The following OTOF variants were observed in gnomAD, a reference collection of about 807,000 sequenced individuals.
The protein encoded by OTOF is fer-1-like family member 2.
OTOF carries 218 observed loss-of-function variants against 236.8 expected under a neutral mutation model. The ratio of observed to expected loss-of-function variants is 0.92; its 90% confidence interval spans 0.82 to 1.03. The LOEUF is 1.03. OTOF is among the 50% of genes least tolerant of loss of function. OTOF has a pLI of 0.00. For missense variants in OTOF, 2,590 were observed against 2,694.4 expected (o/e 0.96, Z 0.86); for synonymous variants, 1,041 against 1,072.5 (o/e 0.97, Z 0.57).
chr2:26,473,163 T>C lies in OTOF; in HGVS notation c.3702A>G (p.Pro1234=), dbSNP rs779905782. The stretch of plus-strand genomic sequence containing the variant: ...TGTTCCAGCTGGGGGCCGAGCGGTC[T>C]GGGGGCCGGTAGATGAAGCGTCGCA... ...SSLRRFIYRP[P]DRSAPSWNTT... The change falls in exon 29 of 47, where the codon CCA becomes CCG. Residue 1234 remains proline, a synonymous_variant. Transcript: ENST00000272371. The surrounding 1 kb of genome is among the most constrained non-coding windows in gnomAD (Gnocchi z 7.2). 1 of 1,612,786 alleles carries C rather than the reference T, an allele frequency of 6.2e-7. No individual in the cohort carries two copies. The highest frequency in any genetic ancestry group is 2.2e-5 in the East Asian group (1 of 44,868).
intron 8 of OTOF, among the ~76,000 whole-genome samples, chr2:26,498,406 C>T (rs1327686485): frequency 3.9e-5 from 6 of 152,192 alleles, no homozygotes; most frequent in Admixed American, 3.3e-4. Flanking sequence ...GAATGCCATT[C>T]CTGCTGCCTC....
intron 1 of OTOF, among the ~76,000 whole-genome samples, chr2:26,546,591 C>T (rs1428638002): frequency 6.6e-6 from 1 of 152,058 alleles, no homozygotes; most frequent in East Asian, 1.9e-4. Context: ...ATTTGCATGT[C>T]CACATAAATT....
At chr2:26,534,534 C>T (rs1485971398) in intron 2 of OTOF, among the ~76,000 whole-genome samples, 2 of 152,200 alleles carry the variant, frequency 1.3e-5, no homozygotes, top group Non-Finnish European at 2.9e-5. Context: ...ACTCAGGTTC[C>T]TAAGCCCAGC....
intron 1 of OTOF, among the ~76,000 whole-genome samples, chr2:26,557,752 G>A (rs1257153211): frequency 6.6e-6 from 1 of 151,792 alleles, no homozygotes; most frequent in Non-Finnish European, 1.5e-5. Flanking sequence ...GGGTGAGGGT[G>A]CTGCTTCTGT....
intron 30 of OTOF, among the ~76,000 whole-genome samples, chr2:26,472,155 ACATGCACACACACATG>A (rs757938492): frequency 2.7e-5 from 4 of 150,306 alleles, no homozygotes; most frequent in Non-Finnish European, 5.9e-5. Flanking sequence ...TACCCCACAT[ACATGCACACACACATG>A]CACATACACC....
rs1313166015 is a variant in OTOF, at chr2:26,491,070, C to T, written c.898-1330G>A. On this transcript the variant is annotated intron_variant, in intron 9 of 46. Coordinates refer to ENST00000272371, the MANE Select transcript of OTOF (RefSeq NM_194248.3). ...GGGAAGCAGGCCCAGGTCAGGGCTC[C>T]AAGAAGACACAGCCTTTCAGCCAAG... 4.6e-5 allele frequency among the ~76,000 whole-genome samples: 7 copies of T among 151,980 alleles called. No homozygotes were observed. The South Asian group carries it at 1.2e-3, about 27-fold the overall frequency.
intron 11 of OTOF, among the ~76,000 whole-genome samples, chr2:26,488,605 C>T (rs1001207160): frequency 3.3e-5 from 5 of 152,376 alleles, no homozygotes; most frequent in African/African-American, 9.6e-5. Context: ...CAGAGGCCGC[C>T]GCACTACATC....
At position 26,470,903 on chromosome 2, in the gene OTOF, G is replaced by A. The variant is rs1664944507; in HGVS notation, c.3895-182C>T. 1.3e-5 allele frequency among the ~76,000 whole-genome samples: 2 copies of A among 152,194 alleles called. No individual in the cohort carries two copies. The highest frequency in any genetic ancestry group is 4.8e-5 in the African/African-American group (2 of 41,440). On this transcript the variant is annotated intron_variant, in intron 31 of 46. Transcript: ENST00000272371. The surrounding 1 kb of genome is among the most constrained non-coding windows in gnomAD (Gnocchi z 4.3). ...GAGAAGGTGCCACAGGCCACAGAGT[G>A]TTGTGACCTGCCAGTGCGATCCACT...
Position 26,466,704 on chromosome 2 carries a change from G to T in OTOF, c.4500+10C>A, listed in dbSNP as rs544653934. On this transcript the variant is annotated intron_variant, in intron 36 of 46. Transcript: ENST00000272371. Reference sequence around the variant, plus strand: ...AGACTTGCAAGGAGGGAAAGCGACGGGAGTCTCACCCGGACCACATAGACT... The same window carrying T: ...AGACTTGCAAGGAGGGAAAGCGACGTGAGTCTCACCCGGACCACATAGACT... 3.7e-6 allele frequency: 6 copies of T among 1,614,118 alleles called. No homozygotes were observed. The Admixed American group carries it at 5.0e-5, about 13-fold the overall frequency.
At position 26,473,628 on chromosome 2, in the gene OTOF, T is replaced by C. The variant is rs1665109139; in HGVS notation, c.3409-61A>G. ...GCCCCTTAGTCAAGGGAGCCAGCCA[T>C]GGGGGTGCTGGACCATCCAATAGGG... On this transcript the variant is annotated intron_variant, in intron 27 of 46. Transcript: ENST00000272371. The surrounding 1 kb of genome is among the most constrained non-coding windows in gnomAD (Gnocchi z 7.2). The C allele has an allele frequency of 1.3e-6, 2 of 1,527,864 alleles. No individual in the cohort carries two copies. The highest frequency in any genetic ancestry group is 1.7e-4 in the Middle Eastern group (1 of 5,744). The allele number at this position is 1,527,864 out of a possible 1,614,324, so 94.6% of individuals were successfully genotyped here.
Position 26,473,469 on chromosome 2 carries a change from C to A in OTOF, c.3507G>T (p.Ser1169=), listed in dbSNP as rs111033513. 1.9e-6 allele frequency: 3 copies of A among 1,613,278 alleles called. No individual in the cohort carries two copies. In the East Asian group the frequency reaches 6.7e-5, roughly 36 times the overall value. ...DIECAGKGVQ[S]SLIHNYKKNP... Reference sequence around the variant, plus strand: ...TCTTCTTATAATTGTGGATCAGGGACGACTGCACCCCCTTCCCTGCACACT... The same window carrying A: ...TCTTCTTATAATTGTGGATCAGGGAAGACTGCACCCCCTTCCCTGCACACT... Residue 1169 remains serine, a synonymous_variant, in exon 28 of 47, where the codon TCG becomes TCT. Coordinates refer to ENST00000272371, the MANE Select transcript of OTOF (RefSeq NM_194248.3). The surrounding 1 kb of genome is among the most constrained non-coding windows in gnomAD (Gnocchi z 7.2).
At chr2:26,523,178 G>A (rs1280195160) in intron 3 of OTOF, among the ~76,000 whole-genome samples, 2 of 152,244 alleles carry the variant, frequency 1.3e-5, no homozygotes, top group Admixed American at 6.5e-5. Context: ...CTGGAGGCCA[G>A]GCCATGGACC....
At chr2:26,541,242 C>A (rs935568335) in intron 1 of OTOF, among the ~76,000 whole-genome samples, 4 of 152,064 alleles carry the variant, frequency 2.6e-5, no homozygotes, top group Non-Finnish European at 4.4e-5. Flanking sequence ...TCAAACCCTC[C>A]CCTGCTTGTG....
Position 26,478,038 on chromosome 2 carries a change from C to A in OTOF, c.2215-289G>T, listed in dbSNP as rs367798894. 1.5e-5 allele frequency: 21 copies of A among 1,439,282 alleles called. No homozygotes were observed. The African/African-American group carries it at 1.7e-4, about 12-fold the overall frequency. The allele number at this position is 1,439,282 out of a possible 1,614,324, so 89.2% of individuals were successfully genotyped here. A position where few individuals can be genotyped will look rare whatever the true frequency, so the allele number is the denominator to read the frequency against. ...GAGCTCACAGGGCCTGGGCAGAACT[C>A]ACGGCTACGGGGCTCAGGGCTGGCC... is the stretch of plus-strand genomic sequence containing the variant. On this transcript the variant is annotated intron_variant, in intron 18 of 46. Transcript: ENST00000272371.
chr2:26,542,578 A>G (rs914373281), intron 1 of OTOF, among the ~76,000 whole-genome samples: 3 of 152,258 alleles, frequency 2.0e-5, no homozygotes, highest in African/African-American at 7.2e-5. Flanking sequence ...GACCAGAAGA[A>G]ATCTGGATAT....
chr2:26,558,729 G>C lies in OTOF; in HGVS notation c.-158C>G. The C allele has an allele frequency of 1.6e-6, 1 of 634,914 alleles. No homozygotes were observed. Among genetic ancestry groups the C allele is most frequent in the Non-Finnish European group, 2.8e-6 (1 of 359,010 alleles). The allele number at this position is 634,914 out of a possible 1,614,324, so 39.3% of individuals were successfully genotyped here. ...CCACAGAGACCAAGGCAACCAAGCC[G>C]AGCTAAGCTGCTCCTGCAGCGACTC... On this transcript the variant is annotated 5_prime_UTR_variant, in exon 1 of 47. Coordinates refer to ENST00000272371, the MANE Select transcript of OTOF (RefSeq NM_194248.3).
At chr2:26,488,822 G>A (rs111736317) in intron 11 of OTOF, among the ~76,000 whole-genome samples, 1,887 of 152,326 alleles carry the variant, frequency 0.012, 22 homozygotes, top group African/African-American at 0.039. Context: ...CAGGAGGCAG[G>A]AGTCTGGGCG....
rs1665363592 is a variant in OTOF, at chr2:26,477,423, C to G, written c.2399G>C (p.Arg800Thr). ...LDRERLKSCM[R>T]ELENMGQQAR... ...GTCCAGTTGCGTCCTCACCAGCTCC[C>G]TCATGCAGGACTTGAGGCGCTCCCG... Residue 800 changes from arginine (R) to threonine (T), a missense_variant, in exon 20 of 47, where the codon AGG becomes ACG. By Grantham distance (71) the Arg-to-Thr change is moderately conservative. Around this residue, in one of 2 missense-constraint regions of OTOF, gnomAD observed 1,379 missense variants for 1,341.6 expected, o/e 1.03. Transcript: ENST00000272371. This position sits in a 1 kb window ranked among gnomAD's most constrained non-coding sequence, Gnocchi z 4.7. The G allele has an allele frequency of 1.9e-6, 3 of 1,588,110 alleles. No individual in the cohort carries two copies. Among genetic ancestry groups the G allele is most frequent in the Non-Finnish European group, 2.6e-6 (3 of 1,167,722 alleles).
chr2:26,461,644 T>G lies in OTOF; in HGVS notation c.5533+52A>C. 1 of 1,609,658 alleles carries G rather than the reference T, an allele frequency of 6.2e-7. No individual in the cohort carries two copies. Among genetic ancestry groups the G allele is most frequent in the Non-Finnish European group, 8.5e-7 (1 of 1,179,644 alleles). ...TCCCTGTCCCCGCCAACCCGGCCCC[T>G]GCCTCTTCTCAGTTCTGGATCCTGA... On this transcript the variant is annotated intron_variant, in intron 43 of 46. Transcript: ENST00000272371. This position sits in a 1 kb window ranked among gnomAD's most constrained non-coding sequence, Gnocchi z 6.2.
Sources: gnomAD v4.1 joint callset for allele counts (sites outside exome capture counted in the v4.1 genomes callset) on GRCh38, gnomAD v4.1.1 for gene constraint, gnomAD v4.1.1 regional missense constraint, Gnocchi (gnomAD v3.1) non-coding constraint, MANE v1.5 for transcripts, NCBI Gene and HGNC (gene_info 2026-07-23, HGNC 2026-07-21) for gene names.